The following NDUFAF2 variants were observed in gnomAD, a reference collection of about 807,000 sequenced individuals.
The protein encoded by NDUFAF2 is NADH:ubiquinone oxidoreductase complex assembly factor 2, also known as NADH dehydrogenase [ubiquinone] 1 alpha subcomplex assembly factor 2.
In NDUFAF2, 13 loss-of-function variants were observed where a neutral mutation model predicts 22.8. The ratio of observed to expected loss-of-function variants is 0.57; its 90% CI spans 0.37 to 0.91. NDUFAF2 has a LOEUF of 0.91. Among genes scored for constraint, NDUFAF2 ranks in the 40% least tolerant of loss-of-function variants. The probability of loss-of-function intolerance (pLI) is 0.01; values close to 1 mark genes in which losing one functional copy is unlikely to be tolerated. For synonymous variants in NDUFAF2, 53 were observed against 64.2 expected, an observed-to-expected ratio of 0.83 and a Z score of 0.84; for missense variants, 162 against 195.2, an observed-to-expected ratio of 0.83 and a Z score of 1.01.
chr5:61,138,916 C>T (rs2111823274), intron 3 of NDUFAF2, among the ~76,000 whole-genome samples: 2 of 152,306 alleles, frequency 1.3e-5, no homozygotes, highest in Admixed American at 1.3e-4. Context: ...GTTTGTTAGA[C>T]ATCCACCTCC....
intron 3 of NDUFAF2, among the ~76,000 whole-genome samples, chr5:61,135,996 A>C (rs376846894): frequency 2.2e-5 from 2 of 90,394 alleles, no homozygotes; most frequent in East Asian, 4.6e-4. Context: ...CCTACATCTA[A>C]GCCTGTCTTT....
At chr5:61,118,419 T>A (rs567545882) in intron 3 of NDUFAF2, among the ~76,000 whole-genome samples, 1 of 152,348 alleles carries the variant, frequency 6.6e-6, no homozygotes, top group South Asian at 2.1e-4. Context: ...CATTTATCTA[T>A]CTTAAAATTA....
At chr5:61,099,675 ATATG>A (rs1345793250) in intron 3 of NDUFAF2, among the ~76,000 whole-genome samples, 2 of 151,942 alleles carry the variant, frequency 1.3e-5, no homozygotes, top group Non-Finnish European at 2.9e-5. Flanking sequence ...AATTTTAAAA[ATATG>A]TAAAGACCTC....
chr5:61,109,590 C>T (rs774904256), intron 3 of NDUFAF2, among the ~76,000 whole-genome samples: 8 of 152,234 alleles, frequency 5.3e-5, no homozygotes, highest in South Asian at 2.1e-4. Context: ...TGTGTCCCCA[C>T]CCATATCTCA....
chr5:61,076,272 C>T (rs1752369474), intron 2 of NDUFAF2, among the ~76,000 whole-genome samples: 1 of 152,088 alleles, frequency 6.6e-6, no homozygotes, highest in Non-Finnish European at 1.5e-5. Context: ...GAGAGGGTTT[C>T]ACCATGTTAG....
At chr5:61,050,434 T>C (rs996626469) in intron 1 of NDUFAF2, 1 of 152,236 alleles carries the variant, frequency 6.6e-6, no homozygotes, top group African/African-American at 2.4e-5. Context: ...TTCTACTCTA[T>C]TGTTGCGCAA....
At chr5:61,126,421 A>T (rs999645305) in intron 3 of NDUFAF2, among the ~76,000 whole-genome samples, 1 of 152,080 alleles carries the variant, frequency 6.6e-6, no homozygotes. Flanking sequence ...TCCTTCACAA[A>T]GTCAAACTAA....
At chr5:61,128,169 C>T (rs1753061813) in intron 3 of NDUFAF2, among the ~76,000 whole-genome samples, 1 of 152,140 alleles carries the variant, frequency 6.6e-6, no homozygotes, top group African/African-American at 2.4e-5. Flanking sequence ...AATGGAAGAA[C>T]ATTCCATGCT....
At chr5:61,003,460 T>G (rs946344140) in intron 1 of NDUFAF2, among the ~76,000 whole-genome samples, 4 of 151,962 alleles carry the variant, frequency 2.6e-5, no homozygotes, top group African/African-American at 9.7e-5. Flanking sequence ...GTACGCTGAA[T>G]AAAACAAGGT....
chr5:61,101,516 C>G (rs1352129739), intron 3 of NDUFAF2, among the ~76,000 whole-genome samples: 10 of 152,094 alleles, frequency 6.6e-5, no homozygotes, highest in Admixed American at 3.9e-4. Flanking sequence ...CAGAATTTGC[C>G]ACAGTCTAGA....
At position 61,012,571 on chromosome 5, in the gene NDUFAF2, T is replaced by C. The variant is rs543313110; in HGVS notation, c.128-60554T>C. On this transcript the variant is annotated intron_variant, in intron 1 of 3. Transcript: ENST00000296597. ...ATTAGTGTACAATTAAAACTGCTTATAATTTCCAAAATTCTGCTTAGTGTC... is the reference window on the plus strand; with the variant it reads ...ATTAGTGTACAATTAAAACTGCTTACAATTTCCAAAATTCTGCTTAGTGTC... 2.6e-5 allele frequency among the ~76,000 whole-genome samples: 4 copies of C among 152,184 alleles called. No individual in the cohort carries two copies. The South Asian group carries it at 8.3e-4, about 32-fold the overall frequency.
At chr5:60,999,718 C>T (rs1307629184) in intron 1 of NDUFAF2, among the ~76,000 whole-genome samples, 1 of 151,980 alleles carries the variant, frequency 6.6e-6, no homozygotes, top group African/African-American at 2.4e-5. Context: ...GATTTTCCCT[C>T]AAGTTTTTAA....
In NDUFAF2 at chr5:60,945,493, T is replaced by A. The variant is rs997132012; in HGVS notation, c.127+111T>A. On this transcript the variant is annotated intron_variant, in intron 1 of 3. Transcript: ENST00000296597. Reference sequence around the variant, plus strand: ...AACGCATCATGCGACACTTAGGGTGTCACCGGAGAGAATTTCCCGAGTTCG... The same window carrying A: ...AACGCATCATGCGACACTTAGGGTGACACCGGAGAGAATTTCCCGAGTTCG... The A allele has an allele frequency of 1.6e-5, 24 of 1,472,414 alleles. No homozygotes were observed. In the African/African-American group the frequency reaches 1.9e-4, roughly 12 times the overall value. 91.2% of individuals were successfully genotyped at this position (1,472,414 alleles called of 1,614,324 possible).
chr5:61,031,984 G>A (rs1751733493), intron 1 of NDUFAF2, among the ~76,000 whole-genome samples: 1 of 152,180 alleles, frequency 6.6e-6, no homozygotes, highest in Non-Finnish European at 1.5e-5. Flanking sequence ...CAGTGATGAT[G>A]AACTTTTTTT....
intron 1 of NDUFAF2, among the ~76,000 whole-genome samples, chr5:60,994,604 T>A (rs1751204607): frequency 6.6e-6 from 1 of 152,268 alleles, no homozygotes. Context: ...TTTCTTTTGC[T>A]GCTTTTAGGA....
intron 1 of NDUFAF2, among the ~76,000 whole-genome samples, chr5:60,982,168 C>G (rs1750992605): frequency 6.6e-6 from 1 of 152,090 alleles, no homozygotes; most frequent in African/African-American, 2.4e-5. Context: ...TGAAAAGGTA[C>G]TCACGATCAC....
chr5:60,977,138 A>G (rs1750912797), intron 1 of NDUFAF2, among the ~76,000 whole-genome samples: 1 of 152,138 alleles, frequency 6.6e-6, no homozygotes, highest in Admixed American at 6.6e-5. Context: ...ATAAAAATTG[A>G]AAACACTGGT....
chr5:61,084,957 A>T (rs1301818794), intron 2 of NDUFAF2, among the ~76,000 whole-genome samples: 2 of 152,192 alleles, frequency 1.3e-5, no homozygotes, highest in African/African-American at 4.8e-5. Flanking sequence ...CAATTGTAAA[A>T]TGCACATTTT....
intron 2 of NDUFAF2, among the ~76,000 whole-genome samples, chr5:61,094,261 T>G (rs540440171): frequency 6.6e-6 from 1 of 152,310 alleles, no homozygotes; most frequent in Non-Finnish European, 1.5e-5. Context: ...ATCCTTTCCT[T>G]AACTTGGTCT....
Sources: allele counts gnomAD v4.1 joint callset (sites outside exome capture counted in the v4.1 genomes callset), GRCh38; gene constraint gnomAD v4.1.1; transcripts MANE v1.5; gene names NCBI Gene and HGNC (gene_info 2026-07-23, HGNC 2026-07-21).